PTPRN2: variants seen among roughly 807,000 people sequenced by gnomAD.
PTPRN2 encodes the protein receptor-type tyrosine-protein phosphatase N2.
PTPRN2 carries 74 observed loss-of-function variants against 118.8 expected under a neutral mutation model. The ratio of observed to expected loss-of-function variants is 0.62; its 90% CI spans 0.52 to 0.76. The LOEUF (loss-of-function observed/expected upper bound fraction) is 0.76, where lower values mean the gene tolerates loss of function less well. PTPRN2 is among the 30% of genes least tolerant of loss of function. The pLI is 0.00. For missense variants in PTPRN2, 1,481 were observed against 1,394.4 expected (o/e 1.06, Z -0.99); for synonymous variants, 641 against 608.0 (o/e 1.05, Z -0.80).
At chr7:157,547,696 C>A (rs769143480) in intron 22 of PTPRN2, among the ~76,000 whole-genome samples, 9 of 152,178 alleles carry the variant, frequency 5.9e-5, no homozygotes, top group African/African-American at 2.2e-4. Context: ...CACGCAGCCA[C>A]GCAGAAGCCT....
intron 10 of PTPRN2, among the ~76,000 whole-genome samples, chr7:158,085,791 CGCCCATCCACACAT>C (rs1813342423): frequency 6.9e-6 from 1 of 145,088 alleles, no homozygotes; most frequent in Non-Finnish European, 1.5e-5. Flanking sequence ...ACACCCACGA[CGCCCATCCACACAT>C]GCCCATCCAC....
At chr7:158,445,695 C>A (rs542302840) in intron 2 of PTPRN2, among the ~76,000 whole-genome samples, 17 of 152,382 alleles carry the variant, frequency 1.1e-4, no homozygotes, top group Middle Eastern at 3.4e-3. Flanking sequence ...CCTGCCGCAT[C>A]TTGGGGTCTA....
At chr7:158,140,786 C>T (rs960201610) in intron 6 of PTPRN2, among the ~76,000 whole-genome samples, 7 of 152,184 alleles carry the variant, frequency 4.6e-5, no homozygotes, top group Non-Finnish European at 7.3e-5. Context: ...CTGCGGTCTG[C>T]GCATCTCGCC....
intron 15 of PTPRN2, among the ~76,000 whole-genome samples, chr7:157,613,471 C>A (rs1331552144): frequency 6.6e-6 from 1 of 152,208 alleles, no homozygotes; most frequent in Admixed American, 6.5e-5. Flanking sequence ...CTTCCGCAAA[C>A]CTCGGGGCCT....
chr7:157,754,292 T>C (rs1425305814), intron 12 of PTPRN2, among the ~76,000 whole-genome samples: 2 of 152,220 alleles, frequency 1.3e-5, no homozygotes, highest in East Asian at 3.9e-4. Context: ...GTCAGGACAC[T>C]GAGCCACGTT....
chr7:158,088,016 G>A (rs1813633917), intron 10 of PTPRN2, among the ~76,000 whole-genome samples: 1 of 114,120 alleles, frequency 8.8e-6, no homozygotes, highest in Non-Finnish European at 1.9e-5. Flanking sequence ...TGAGGAAAGG[G>A]GGAGTCTTCA....
chr7:157,803,034 G>A (rs538149604), intron 12 of PTPRN2, among the ~76,000 whole-genome samples: 2 of 152,136 alleles, frequency 1.3e-5, no homozygotes, highest in East Asian at 1.9e-4. Context: ...GCACCATCTC[G>A]GCTCACTGCA....
chr7:158,331,509 C>G (rs1176605607), intron 2 of PTPRN2, among the ~76,000 whole-genome samples: 1 of 143,102 alleles, frequency 7.0e-6, no homozygotes, highest in South Asian at 2.3e-4. Context: ...AGCTGTCACC[C>G]ACAGACATCA....
intron 12 of PTPRN2, among the ~76,000 whole-genome samples, chr7:157,751,510 C>T (rs1801464501): frequency 6.6e-6 from 1 of 152,114 alleles, no homozygotes; most frequent in Admixed American, 6.5e-5. Context: ...CTCCAGCGCC[C>T]ACGGAGTGCG....
intron 5 of PTPRN2, among the ~76,000 whole-genome samples, chr7:158,171,337 A>ATG: frequency 7.5e-6 from 1 of 133,986 alleles, no homozygotes; most frequent in Middle Eastern, 3.7e-3. Context: ...ATATATATAT[A>ATG]TATATATATA....
intron 6 of PTPRN2, among the ~76,000 whole-genome samples, chr7:158,160,247 G>A (rs761056048): frequency 2.0e-5 from 3 of 152,150 alleles, no homozygotes; most frequent in Non-Finnish European, 2.9e-5. Context: ...CAGGGAGATT[G>A]GGGTGGAGTC....
At chr7:158,151,079 C>T (rs1563520593) in intron 6 of PTPRN2, among the ~76,000 whole-genome samples, 628 of 53,638 alleles carry the variant, frequency 0.012, 137 homozygotes, top group Non-Finnish European at 0.014. Context: ...CCACTCTTGC[C>T]CCTGCCTGCC....
chr7:157,827,697 C>T (rs1807276591), intron 12 of PTPRN2, among the ~76,000 whole-genome samples: 1 of 152,126 alleles, frequency 6.6e-6, no homozygotes. Flanking sequence ...GACTGAGGAC[C>T]AGGTGCTGGG....
At chr7:157,563,936 C>T (rs1799352377) in intron 21 of PTPRN2, among the ~76,000 whole-genome samples, 1 of 152,246 alleles carries the variant, frequency 6.6e-6, no homozygotes, top group Admixed American at 6.5e-5. Flanking sequence ...ACCACATGCT[C>T]CCGCACACGC....
rs117472164 is a variant in PTPRN2 at position 158,078,401 on chromosome 7, G to A, written c.1723+2897C>T. Among the ~76,000 whole-genome samples the A allele has an allele frequency of 6.9e-3, 1,047 of 152,344 alleles. 13 individuals are homozygous for A. Among genetic ancestry groups the A allele is most frequent in the African/African-American group, 0.017 (719 of 41,592 alleles). ...AACAGCAGGCTCTTGAGTTCTGTATGTTGGTAACACAGGCACCACCACACG... is the reference window on the plus strand; with the variant it reads ...AACAGCAGGCTCTTGAGTTCTGTATATTGGTAACACAGGCACCACCACACG... On this transcript the variant is annotated intron_variant, in intron 11 of 22. Transcript: ENST00000389418.
intron 3 of PTPRN2, among the ~76,000 whole-genome samples, chr7:158,298,601 C>A (rs1033193315): frequency 2.0e-4 from 31 of 152,130 alleles, no homozygotes; most frequent in Admixed American, 2.0e-3. Flanking sequence ...GAAGAGCTTG[C>A]GGGGGAGGCC....
chr7:158,572,699 A>C, intron 1 of PTPRN2, among the ~76,000 whole-genome samples: 1 of 152,092 alleles, frequency 6.6e-6, no homozygotes, highest in Non-Finnish European at 1.5e-5. Context: ...TTTTGTCCAG[A>C]TCTGTTTTTG....
rs1266154653 is a variant in PTPRN2, at chr7:158,565,805, C to T, written c.112+21753G>A. On this transcript the variant is annotated intron_variant, in intron 1 of 22. Coordinates refer to ENST00000389418, the MANE Select transcript of PTPRN2 (RefSeq NM_002847.5). This position sits in a 1 kb window ranked among gnomAD's most constrained non-coding sequence, Gnocchi z 4.6. ...CTAGAGACTGTCCCACATCTCCAAA[C>T]ACAGATCTGCCTATTGTCTCTGCCA... Among the ~76,000 whole-genome samples the T allele has an allele frequency of 6.6e-6, 1 of 152,228 alleles. No homozygotes were observed. Among genetic ancestry groups the T allele is most frequent in the East Asian group, 1.9e-4 (1 of 5,196 alleles).
chr7:158,549,770 C>T (rs1426903455), intron 1 of PTPRN2, among the ~76,000 whole-genome samples: 2 of 152,268 alleles, frequency 1.3e-5, no homozygotes, highest in Non-Finnish European at 2.9e-5. Flanking sequence ...ATTCACTCCT[C>T]CTGTGAGATG....
Sources: gnomAD v4.1 joint callset for allele counts (sites outside exome capture counted in the v4.1 genomes callset) on GRCh38, gnomAD v4.1.1 for gene constraint, Gnocchi (gnomAD v3.1) non-coding constraint, MANE v1.5 for transcripts, NCBI Gene and HGNC (gene_info 2026-07-23, HGNC 2026-07-21) for gene names.